The following NCOR2 variants were observed in gnomAD, a reference collection of about 807,000 sequenced individuals.
NCOR2 encodes the protein nuclear receptor corepressor 2, also known as CTG repeat protein 26.
In NCOR2, 81 loss-of-function variants were observed where a neutral mutation model predicts 262.9. The ratio of observed to expected loss-of-function variants is 0.31; its 90% confidence interval spans 0.26 to 0.37. NCOR2 has a LOEUF of 0.37. Ranked by LOEUF, NCOR2 falls within the 10% of genes least tolerant of loss-of-function variation. The pLI, the probability that NCOR2 is intolerant of heterozygous loss-of-function variation, is 1.00. For synonymous variants in NCOR2, 1,659 were observed against 1,559.3 expected (o/e 1.06, Z -1.51); for missense variants, 3,385 against 3,621.4 (o/e 0.93, Z 1.68).
intron 11 of NCOR2, among the ~76,000 whole-genome samples, chr12:124,424,535 G>A (rs1033748240): frequency 1.6e-4 from 25 of 152,082 alleles, no homozygotes; most frequent in African/African-American, 4.3e-4. Context: ...TCTTATGGAC[G>A]TTTCAACATT....
intron 18 of NCOR2, among the ~76,000 whole-genome samples, chr12:124,374,810 G>C (rs956893181): frequency 2.0e-5 from 3 of 152,222 alleles, no homozygotes; most frequent in Non-Finnish European, 4.4e-5. Context: ...CAGGCTCCCA[G>C]GATGCCTGGA....
intron 23 of NCOR2, among the ~76,000 whole-genome samples, chr12:124,355,865 C>T (rs948752150): frequency 1.3e-5 from 2 of 152,156 alleles, no homozygotes; most frequent in African/African-American, 4.8e-5. Context: ...CCCCCAGTAG[C>T]CCCTTCCCCT....
At chr12:124,409,090 C>T (rs942553484) in intron 13 of NCOR2, among the ~76,000 whole-genome samples, 5 of 152,224 alleles carry the variant, frequency 3.3e-5, no homozygotes, top group South Asian at 4.1e-4. Flanking sequence ...CAGAAAGATG[C>T]GTGTCGACAG....
intron 13 of NCOR2, among the ~76,000 whole-genome samples, chr12:124,416,318 G>T (rs903291375): frequency 1.3e-5 from 2 of 152,192 alleles, no homozygotes; most frequent in Non-Finnish European, 2.9e-5. Context: ...GGCCCTGGGA[G>T]GTACCGGGAC....
chr12:124,554,644 G>A (rs187040928), intron 1 of NCOR2, among the ~76,000 whole-genome samples: 104 of 152,334 alleles, frequency 6.8e-4, no homozygotes, highest in African/African-American at 2.2e-3. Flanking sequence ...GAGCCTGAAG[G>A]TCACACAGCA....
At position 124,483,307 on chromosome 12, in the gene NCOR2, G is replaced by T. The variant is rs1005320564; in HGVS notation, c.411+289C>A. 6.6e-6 allele frequency among the ~76,000 whole-genome samples: 1 copy of T among 151,626 alleles called. No individual in the cohort carries two copies. The highest frequency in any genetic ancestry group is 1.5e-5 in the Non-Finnish European group (1 of 67,906). On this transcript the variant is annotated intron_variant, in intron 3 of 46. Transcript: ENST00000405201. This position sits in a 1 kb window ranked among gnomAD's most constrained non-coding sequence, Gnocchi z 6.3. ...CCATCCCAGCTCTCCCCTCCCTCAC[G>T]CCAGCTACCCCGTGACCACAAGCCT...
chr12:124,475,909 T>C (rs1238280344), intron 3 of NCOR2, among the ~76,000 whole-genome samples: 1 of 152,154 alleles, frequency 6.6e-6, no homozygotes, highest in Non-Finnish European at 1.5e-5. Context: ...CACACATCCG[T>C]TCACCCCACA....
chr12:124,460,698 G>T (rs12425977), intron 5 of NCOR2, among the ~76,000 whole-genome samples: 3,351 of 152,316 alleles, frequency 0.022, 60 homozygotes, highest in Middle Eastern at 0.051. Context: ...TTTTACAGAT[G>T]GGGAAACTGA....
upstream of NCOR2, among the ~76,000 whole-genome samples, chr12:124,496,943 G>A (rs552267367): frequency 2.6e-5 from 4 of 152,328 alleles, no homozygotes; most frequent in South Asian, 4.1e-4. This position sits in a 1 kb window ranked among gnomAD's most constrained non-coding sequence, Gnocchi z 4.4. Flanking sequence ...AGCTCTGGGG[G>A]CCACCATGCA....
chr12:124,495,904 A>G (rs910182864), upstream of NCOR2, among the ~76,000 whole-genome samples: 2 of 152,154 alleles, frequency 1.3e-5, no homozygotes, highest in Non-Finnish European at 2.9e-5. This position sits in a 1 kb window ranked among gnomAD's most constrained non-coding sequence, Gnocchi z 4.4. Flanking sequence ...ACACCATGAC[A>G]TGGGACAGGA....
chr12:124,535,500 C>T (rs1242111213), intron 1 of NCOR2, 65 bp downstream of exon 2: 1 of 152,312 alleles, frequency 6.6e-6, no homozygotes, highest in African/African-American at 2.4e-5. Flanking sequence ...GACCCACTTC[C>T]CGTGAGAAAG....
intron 17 of NCOR2, chr12:124,383,490 C>A: frequency 1.1e-6 from 1 of 922,084 alleles, no homozygotes; most frequent in Non-Finnish European, 1.4e-6. Flanking sequence ...GCCCAGTGCT[C>A]ATACCTCCCA....
At chr12:124,371,979 T>TA in intron 20 of NCOR2, 43 bp downstream of exon 22, 3 of 1,530,364 alleles carry the variant, frequency 2.0e-6, no homozygotes, top group Non-Finnish European at 2.6e-6. Flanking sequence ...GCTCAGTGTC[T>TA]GCAGACAAAA....
exon 47 of NCOR2, chr12:124,325,083 T>A (rs1273531048): frequency 4.2e-6 from 1 of 240,390 alleles, no homozygotes; most frequent in Non-Finnish European, 8.0e-6. Flanking sequence ...CTGCTTTGGG[T>A]CCCTGGCCGC....
intron 16 of NCOR2, among the ~76,000 whole-genome samples, chr12:124,386,942 G>A (rs1405756018): frequency 6.6e-6 from 1 of 152,250 alleles, no homozygotes; most frequent in Non-Finnish European, 1.5e-5. Flanking sequence ...GGAGAGACAG[G>A]GAGTGCTCCT....
At chr12:124,348,543 A>C in intron 28 of NCOR2, 3 of 572,264 alleles carry the variant, frequency 5.2e-6, no homozygotes, top group Non-Finnish European at 3.0e-6. Flanking sequence ...TGGGAGATGC[A>C]GGGCACGCTG....
intron 20 of NCOR2, among the ~76,000 whole-genome samples, chr12:124,366,663 T>C (rs560707245): frequency 6.6e-6 from 1 of 152,224 alleles, no homozygotes; most frequent in South Asian, 2.1e-4. Context: ...CACATCACCG[T>C]ACCTGACTGA....
intron 15 of NCOR2, among the ~76,000 whole-genome samples, chr12:124,399,167 C>T (rs1053129493): frequency 2.2e-4 from 34 of 152,104 alleles, no homozygotes; most frequent in Admixed American, 2.0e-4. Flanking sequence ...CCATCAGCCC[C>T]GACAGGCCAG....
chr12:124,434,450 T>C (rs1480729981), intron 8 of NCOR2, among the ~76,000 whole-genome samples: 1 of 152,182 alleles, frequency 6.6e-6, no homozygotes, highest in African/African-American at 2.4e-5. Context: ...CCTTGGTTTC[T>C]GCCTGCCTCT....
Sources: allele counts gnomAD v4.1 joint callset (sites outside exome capture counted in the v4.1 genomes callset), GRCh38; gene constraint gnomAD v4.1.1; non-coding constraint Gnocchi (gnomAD v3.1); transcripts MANE v1.5; gene names NCBI Gene and HGNC (gene_info 2026-07-23, HGNC 2026-07-21).